The following POLR1A variants were observed in gnomAD, a reference collection of about 807,000 sequenced individuals.
POLR1A encodes RNA polymerase I subunit A.
In POLR1A, 84 loss-of-function variants were observed where a neutral mutation model predicts 205.3. The ratio of observed to expected loss-of-function variants is 0.41; its 90% confidence interval spans 0.34 to 0.49. The LOEUF (loss-of-function observed/expected upper bound fraction) is 0.49, where lower values mean the gene tolerates loss of function less well. Among genes scored for constraint, POLR1A ranks in the 20% least tolerant of loss-of-function variants. POLR1A has a pLI of 0.22. For synonymous variants in POLR1A, 799 were observed against 863.7 expected (o/e 0.93, Z 1.31); for missense variants, 1,645 against 2,204.5 (o/e 0.75, Z 5.08).
At chr2:86,085,302 C>G (rs1673485282) in intron 6 of POLR1A, among the ~76,000 whole-genome samples, 1 of 152,178 alleles carries the variant, frequency 6.6e-6, no homozygotes, top group Non-Finnish European at 1.5e-5. Context: ...TGTGAGTATT[C>G]TAATTCCTTA....
At chr2:86,042,135 G>T (rs983403664) in intron 23 of POLR1A, 32 bp from the exon 24 acceptor site, 1 of 1,482,764 alleles carries the variant, frequency 6.7e-7, no homozygotes, top group Non-Finnish European at 9.4e-7. Context: ...AGCTATGTGG[G>T]AGGGATACCC....
intron 1 of POLR1A, among the ~76,000 whole-genome samples, chr2:86,101,884 C>T (rs374823526): frequency 6.6e-6 from 1 of 152,138 alleles, no homozygotes; most frequent in African/African-American, 2.4e-5. Flanking sequence ...GGAATCACAC[C>T]GTACTTGTCC....
rs139267654 is a variant in POLR1A, at chr2:86,024,483, C to T, written c.*2940G>A. ...ACTGGGGATGAGACAAGGTGCTTCA[C>T]CCCTTCCTCGGTTTTATTCTTACTC... is the stretch of plus-strand genomic sequence containing the variant. On this transcript the variant is annotated 3_prime_UTR_variant, in exon 34 of 34. Transcript: ENST00000263857. 2.6e-5 allele frequency: 4 copies of T among 152,382 alleles called. No individual in the cohort carries two copies. The East Asian group carries it at 7.7e-4, about 29-fold the overall frequency. 9.4% of individuals were successfully genotyped at this position (152,382 alleles called of 1,614,324 possible).
intron 14 of POLR1A, 86 bp from the exon 15 acceptor site, chr2:86,054,375 G>A: frequency 2.8e-6 from 4 of 1,438,016 alleles, no homozygotes; most frequent in Non-Finnish European, 3.8e-6. Flanking sequence ...GAAGAGTTAA[G>A]AACTTCCCTT....
intron 14 of POLR1A, among the ~76,000 whole-genome samples, chr2:86,063,461 CA>C: frequency 6.6e-6 from 1 of 150,636 alleles, no homozygotes; most frequent in East Asian, 2.0e-4. Flanking sequence ...TACTGTACTA[CA>C]CAAACTCTTA....
Position 86,024,816 on chromosome 2 carries a change from G to C in POLR1A, c.*2607C>G, listed in dbSNP as rs1231823948. On this transcript the variant is annotated 3_prime_UTR_variant, in exon 34 of 34. Transcript: ENST00000263857. ...GAGAAGGATGTCCAAACAGTGGCTA[G>C]CTAATGGCATCTGAGGATTCTGAAA... 3 of 152,284 alleles carry C rather than the reference G, an allele frequency of 2.0e-5. No homozygotes were observed. The highest frequency in any genetic ancestry group is 7.2e-5 in the African/African-American group (3 of 41,562). 9.4% of individuals were successfully genotyped at this position (152,284 alleles called of 1,614,324 possible). A position where few individuals can be genotyped will look rare whatever the true frequency, so the allele number is the denominator to read the frequency against.
intron 14 of POLR1A, among the ~76,000 whole-genome samples, chr2:86,062,268 T>G (rs547528995): frequency 1.3e-5 from 2 of 152,306 alleles, no homozygotes; most frequent in East Asian, 3.9e-4. Flanking sequence ...AGAGATACAA[T>G]GAAAAACTTC....
chr2:86,050,300 G>A (rs1672781016), intron 16 of POLR1A, among the ~76,000 whole-genome samples: 1 of 152,226 alleles, frequency 6.6e-6, no homozygotes, highest in Non-Finnish European at 1.5e-5. Flanking sequence ...AAAACAGCAG[G>A]TGTACTGTTC....
chr2:86,028,062 A>T lies in POLR1A; in HGVS notation c.4898-13T>A, dbSNP rs1253741858. On this transcript the variant is annotated splice_polypyrimidine_tract_variant and intron_variant, in intron 32 of 33. Coordinates refer to ENST00000263857, the MANE Select transcript of POLR1A (RefSeq NM_015425.6). The surrounding 1 kb of genome is among the most constrained non-coding windows in gnomAD (Gnocchi z 4.5). ...TCGACCGCGATGCCTGTCAAACGGGAGGTAAAATTAGGAGGGATTAAGCAG... is the reference window on the plus strand; with the variant it reads ...TCGACCGCGATGCCTGTCAAACGGGTGGTAAAATTAGGAGGGATTAAGCAG... 1 of 1,613,968 alleles carries T rather than the reference A, an allele frequency of 6.2e-7. No individual in the cohort carries two copies. Among genetic ancestry groups the T allele is most frequent in the African/African-American group, 1.3e-5 (1 of 75,014 alleles).
intron 14 of POLR1A, 48 bp from the exon 15 acceptor site, chr2:86,054,337 C>A: frequency 6.3e-7 from 1 of 1,595,580 alleles, no homozygotes; most frequent in Non-Finnish European, 8.6e-7. Context: ...AAAGTGATGG[C>A]AAAATGAGGA....
At chr2:86,059,722 C>T (rs1408159446) in intron 14 of POLR1A, among the ~76,000 whole-genome samples, 1 of 152,154 alleles carries the variant, frequency 6.6e-6, no homozygotes, top group Non-Finnish European at 1.5e-5. Context: ...TACACTACCA[C>T]CCCTGGCTAA....
chr2:86,063,816 C>T (rs1417192016), intron 14 of POLR1A, among the ~76,000 whole-genome samples: 1 of 152,020 alleles, frequency 6.6e-6, no homozygotes, highest in Non-Finnish European at 1.5e-5. Flanking sequence ...CCTTTTTCTT[C>T]TTTTCAACCT....
At chr2:86,082,061 C>A (rs1673413770) in intron 7 of POLR1A, among the ~76,000 whole-genome samples, 1 of 152,032 alleles carries the variant, frequency 6.6e-6, no homozygotes, top group Non-Finnish European at 1.5e-5. Context: ...GTCTCGAACT[C>A]CTGGGCTCAA....
At chr2:86,069,165 T>C (rs1401429221) in intron 13 of POLR1A, among the ~76,000 whole-genome samples, 2 of 152,198 alleles carry the variant, frequency 1.3e-5, no homozygotes, top group Non-Finnish European at 2.9e-5. Context: ...ACTGAAAAAG[T>C]ACTTGGGAAA....
chr2:86,084,669 T>C (rs1673469642), intron 6 of POLR1A, among the ~76,000 whole-genome samples: 1 of 149,552 alleles, frequency 6.7e-6, no homozygotes, highest in Admixed American at 6.6e-5. Flanking sequence ...CTTTTCCTTT[T>C]TTTTTTTTTT....
Position 86,077,980 on chromosome 2 carries a change from A to T in POLR1A, c.1259T>A (p.Ile420Asn). The change falls in exon 11 of 34, where the codon ATC becomes AAC. Residue 420 changes from isoleucine (I) to asparagine (N), a missense_variant and splice_region_variant. By Grantham distance (149) the Ile-to-Asn change is moderately radical (BLOSUM62 -3). Around this residue, in one of 16 missense-constraint regions of POLR1A, gnomAD observed 131 missense variants for 214.5 expected, o/e 0.61. Transcript: ENST00000263857. ...GAACAGGCCTTCTTTCTTCTCCAGG[A>T]TCTTTATGGAGAAAAAAGGTCATAA... ...MMDKYPGIRQ[I>N]LEKKEGLFRK... The T allele has an allele frequency of 6.2e-7, 1 of 1,614,052 alleles. No homozygotes were observed. The highest frequency in any genetic ancestry group is 8.5e-7 in the Non-Finnish European group (1 of 1,179,988).
intron 14 of POLR1A, 111 bp downstream of exon 14, chr2:86,065,163 C>T: frequency 1.0e-6 from 1 of 1,004,084 alleles, no homozygotes; most frequent in Non-Finnish European, 1.5e-6. Flanking sequence ...CAGACTATTG[C>T]TGGCTTAGCC....
At chr2:86,051,043 A>C (rs1451321645) in intron 16 of POLR1A, among the ~76,000 whole-genome samples, 2 of 152,340 alleles carry the variant, frequency 1.3e-5, no homozygotes, top group East Asian at 3.9e-4. Flanking sequence ...CCCAGCAATA[A>C]TGTGAAAATC....
chr2:86,089,671 T>C, intron 4 of POLR1A, 151 bp downstream of exon 4: 2 of 609,964 alleles, frequency 3.3e-6, no homozygotes, highest in Non-Finnish European at 5.9e-6. Flanking sequence ...AGTTGTGTAA[T>C]TTGTGAGGTT....
Sources: allele counts gnomAD v4.1 joint callset (sites outside exome capture counted in the v4.1 genomes callset), GRCh38; gene constraint gnomAD v4.1.1; regional missense constraint gnomAD v4.1.1; non-coding constraint Gnocchi (gnomAD v3.1); transcripts MANE v1.5; gene names NCBI Gene and HGNC (gene_info 2026-07-23, HGNC 2026-07-21).